CAMKMT: variants seen among roughly 807,000 people sequenced by gnomAD.
CAMKMT encodes the protein CaM KMT.
A neutral mutation model predicts 48.0 loss-of-function variants in CAMKMT; 53 were observed. The observed-to-expected ratio is 1.10, with a 90% CI of 0.89 to 1.39. The LOEUF (loss-of-function observed/expected upper bound fraction) is 1.39, where lower values mean the gene tolerates loss of function less well. CAMKMT is among the 40% of genes most tolerant of loss of function. CAMKMT has a pLI of 0.00. For missense variants in CAMKMT, 428 were observed against 402.7 expected (o/e 1.06, Z -0.54); for synonymous variants, 165 against 152.3 (o/e 1.08, Z -0.61).
intron 10 of CAMKMT, among the ~76,000 whole-genome samples, chr2:44,770,222 C>T (rs538767067): frequency 2.7e-4 from 41 of 152,200 alleles, no homozygotes; most frequent in Non-Finnish European, 4.7e-4. Context: ...AGTACCCTCA[C>T]ATAACAGACT....
At chr2:44,620,997 G>C (rs1431033426) in intron 3 of CAMKMT, among the ~76,000 whole-genome samples, 2 of 152,154 alleles carry the variant, frequency 1.3e-5, no homozygotes, top group Non-Finnish European at 2.9e-5. Context: ...GGCCGGGTGC[G>C]GTGGCTCACG....
At chr2:44,621,916 G>A (rs1230389393) in intron 3 of CAMKMT, among the ~76,000 whole-genome samples, 2 of 152,208 alleles carry the variant, frequency 1.3e-5, no homozygotes, top group Non-Finnish European at 2.9e-5. Context: ...CATTTGGATT[G>A]TGGTGGTGGC....
At chr2:44,630,813 T>A (rs1672767830) in intron 3 of CAMKMT, among the ~76,000 whole-genome samples, 1 of 151,254 alleles carries the variant, frequency 6.6e-6, no homozygotes, top group South Asian at 2.1e-4. Context: ...TGTAAACTAG[T>A]TCAACCATTT....
At chr2:44,423,840 T>A (rs978483481) in intron 3 of CAMKMT, among the ~76,000 whole-genome samples, 1 of 152,186 alleles carries the variant, frequency 6.6e-6, no homozygotes, top group Non-Finnish European at 1.5e-5. Flanking sequence ...GAGGCCAACA[T>A]TTTTAACTTT....
chr2:44,715,997 C>T (rs886831568), intron 7 of CAMKMT, among the ~76,000 whole-genome samples: 2 of 152,148 alleles, frequency 1.3e-5, no homozygotes, highest in Non-Finnish European at 2.9e-5. Flanking sequence ...CTCTTAGCCA[C>T]AACAATGGTG....
intron 9 of CAMKMT, among the ~76,000 whole-genome samples, chr2:44,761,367 A>C (rs961568856): frequency 6.6e-6 from 1 of 152,158 alleles, no homozygotes; most frequent in Non-Finnish European, 1.5e-5. Context: ...GCAGGAGACC[A>C]GGCTGCGATA....
intron 3 of CAMKMT, among the ~76,000 whole-genome samples, chr2:44,508,057 G>A (rs1572675152): frequency 1.3e-5 from 2 of 152,158 alleles, no homozygotes; most frequent in Admixed American, 6.5e-5. Flanking sequence ...AAGTAAAAAC[G>A]TTGTGGTAAT....
intron 3 of CAMKMT, among the ~76,000 whole-genome samples, chr2:44,465,182 AT>A (rs1668046881): frequency 6.6e-6 from 1 of 152,200 alleles, no homozygotes; most frequent in African/African-American, 2.4e-5. Context: ...GATTTAAGTT[AT>A]CAGTTTAAAA....
At chr2:44,700,822 G>A (rs1677216125) in intron 3 of CAMKMT, among the ~76,000 whole-genome samples, 1 of 152,148 alleles carries the variant, frequency 6.6e-6, no homozygotes, top group African/African-American at 2.4e-5. Context: ...TGGCACCAAT[G>A]GACTTGCTCG....
In CAMKMT at chr2:44,657,622, G is replaced by A. The variant is rs1292615207; in HGVS notation, c.377-46661G>A. Among the ~76,000 whole-genome samples, 1 of 152,102 alleles carries A rather than the reference G, an allele frequency of 6.6e-6. No individual in the cohort carries two copies. The highest frequency in any genetic ancestry group is 2.4e-5 in the African/African-American group (1 of 41,394). On this transcript the variant is annotated intron_variant, in intron 3 of 10. Coordinates refer to ENST00000378494, the MANE Select transcript of CAMKMT (RefSeq NM_024766.5). This position sits in a 1 kb window ranked among gnomAD's most constrained non-coding sequence, Gnocchi z 4.3. ...ATGTCCCTGACTACAAGTGTTCCTG[G>A]GGCCACGTCTGAAAGCAGCTTATCA...
chr2:44,554,414 A>G (rs895628816), intron 3 of CAMKMT, among the ~76,000 whole-genome samples: 6 of 152,134 alleles, frequency 3.9e-5, no homozygotes, highest in African/African-American at 1.4e-4. Flanking sequence ...CTCATTTTTC[A>G]TACAGCCCTT....
At position 44,381,017 on chromosome 2, in the gene CAMKMT, G is replaced by A. The variant is rs747313532; in HGVS notation, c.311+8129G>A. 4.6e-5 allele frequency among the ~76,000 whole-genome samples: 7 copies of A among 151,998 alleles called. No homozygotes were observed. The East Asian group carries it at 5.8e-4, about 13-fold the overall frequency. ...TCTACTAAAAATACAAAAATTAGCC[G>A]GGAGTGGTGGCAGACACCTGTAATC... is the stretch of plus-strand genomic sequence containing the variant. On this transcript the variant is annotated intron_variant, in intron 2 of 10. Transcript: ENST00000378494.
intron 3 of CAMKMT, among the ~76,000 whole-genome samples, chr2:44,631,042 A>G (rs900736669): frequency 1.2e-4 from 18 of 152,368 alleles, no homozygotes; most frequent in East Asian, 7.7e-4. Context: ...TGTGGCATGT[A>G]TACACCATGG....
At chr2:44,739,875 A>G (rs929781096) in intron 7 of CAMKMT, among the ~76,000 whole-genome samples, 4 of 152,194 alleles carry the variant, frequency 2.6e-5, no homozygotes, top group African/African-American at 9.7e-5. Context: ...ATGTTTGAAT[A>G]CTGATGGAAG....
rs1674443619 is a variant in CAMKMT, at chr2:44,657,524, A to G, written c.377-46759A>G. On this transcript the variant is annotated intron_variant, in intron 3 of 10. Transcript: ENST00000378494. The surrounding 1 kb of genome is among the most constrained non-coding windows in gnomAD (Gnocchi z 4.3). ...GGTCATGCCTTCCATGCTTTATGGT[A>G]TGTAAGTTTGGAATTAAACTAAGTC... Among the ~76,000 whole-genome samples, 2 of 152,196 alleles carry G rather than the reference A, an allele frequency of 1.3e-5. No individual in the cohort carries two copies. Among genetic ancestry groups the G allele is most frequent in the African/African-American group, 4.8e-5 (2 of 41,466 alleles).
chr2:44,665,123 T>C (rs1285901594), intron 3 of CAMKMT, among the ~76,000 whole-genome samples: 1 of 152,170 alleles, frequency 6.6e-6, no homozygotes, highest in African/African-American at 2.4e-5. Flanking sequence ...CAGGCTGGAG[T>C]GCAGTGGTGC....
At chr2:44,680,105 G>A (rs1386156087) in intron 3 of CAMKMT, among the ~76,000 whole-genome samples, 2 of 152,130 alleles carry the variant, frequency 1.3e-5, no homozygotes, top group African/African-American at 2.4e-5. Flanking sequence ...TCTTTTTCAT[G>A]ATACTGTGAC....
intron 3 of CAMKMT, among the ~76,000 whole-genome samples, chr2:44,567,671 A>T (rs1011104757): frequency 6.6e-6 from 1 of 152,204 alleles, no homozygotes; most frequent in Non-Finnish European, 1.5e-5. Flanking sequence ...GAGAATTGAA[A>T]TAAGATAAAA....
At chr2:44,728,944 T>C (rs1212694724) in intron 7 of CAMKMT, among the ~76,000 whole-genome samples, 4 of 150,434 alleles carry the variant, frequency 2.7e-5, no homozygotes, top group Admixed American at 2.0e-4. Flanking sequence ...GGTGTTTGCC[T>C]GATAATAGTT....
Sources: allele counts gnomAD v4.1 joint callset (sites outside exome capture counted in the v4.1 genomes callset), GRCh38; gene constraint gnomAD v4.1.1; non-coding constraint Gnocchi (gnomAD v3.1); transcripts MANE v1.5; gene names NCBI Gene and HGNC (gene_info 2026-07-23, HGNC 2026-07-21).